SPATA16: variants seen among roughly 807,000 people sequenced by gnomAD.
SPATA16 encodes spermatogenesis associated 16, also known as spermatogenesis-associated protein 16.
SPATA16 carries 36 observed loss-of-function variants against 63.3 expected under a neutral mutation model. That is an observed-to-expected ratio of 0.57 (90% CI 0.44 to 0.75). The LOEUF is 0.75. Ranked by LOEUF, SPATA16 falls within the 30% of genes least tolerant of loss-of-function variation. The pLI is 0.00. For synonymous variants in SPATA16, 203 were observed against 216.7 expected (o/e 0.94, Z 0.56); for missense variants, 646 against 679.3 (o/e 0.95, Z 0.54).
chr3:173,138,671 A>G (rs1738618754), intron 1 of SPATA16, among the ~76,000 whole-genome samples: 1 of 152,172 alleles, frequency 6.6e-6, no homozygotes, highest in Admixed American at 6.5e-5. Flanking sequence ...TTTCCTTTCA[A>G]CTGGCCTACT....
At chr3:172,897,239 C>G (rs1393973149) in intron 10 of SPATA16, among the ~76,000 whole-genome samples, 2 of 152,024 alleles carry the variant, frequency 1.3e-5, no homozygotes, top group Non-Finnish European at 2.9e-5. Context: ...TGCTTTTACT[C>G]CTTTATAAAA....
At chr3:173,022,036 A>G (rs2108278015) in intron 3 of SPATA16, among the ~76,000 whole-genome samples, 1 of 152,150 alleles carries the variant, frequency 6.6e-6, no homozygotes, top group South Asian at 2.1e-4. Flanking sequence ...GGTAGTGAAG[A>G]AAGAGCTTAT....
intron 3 of SPATA16, among the ~76,000 whole-genome samples, chr3:173,043,483 C>G (rs1454562055): frequency 6.6e-6 from 1 of 151,734 alleles, no homozygotes; most frequent in East Asian, 1.9e-4. Flanking sequence ...CATGTGTAAT[C>G]TTATTATTAT....
intron 2 of SPATA16, among the ~76,000 whole-genome samples, chr3:173,078,635 G>T (rs1347937961): frequency 1.3e-5 from 2 of 152,124 alleles, no homozygotes; most frequent in African/African-American, 2.4e-5. Context: ...AAGGAGAAAT[G>T]ATATCAAGTT....
At chr3:173,046,629 G>A (rs528847431) in intron 3 of SPATA16, among the ~76,000 whole-genome samples, 1 of 152,126 alleles carries the variant, frequency 6.6e-6, no homozygotes, top group Non-Finnish European at 1.5e-5. Context: ...TTCATGATTA[G>A]TATCAACTTT....
chr3:173,070,186 G>A (rs1349094307), intron 2 of SPATA16, among the ~76,000 whole-genome samples: 1 of 152,020 alleles, frequency 6.6e-6, no homozygotes, highest in South Asian at 2.1e-4. Flanking sequence ...CTTGAGGCCA[G>A]AAGTTCAAGA....
chr3:172,924,778 A>C (rs1732690451), intron 7 of SPATA16, among the ~76,000 whole-genome samples: 1 of 152,202 alleles, frequency 6.6e-6, no homozygotes, highest in Non-Finnish European at 1.5e-5. Context: ...ATGTGGTTAG[A>C]GCTGCAGGAA....
intron 2 of SPATA16, among the ~76,000 whole-genome samples, chr3:173,083,863 C>A (rs1368923491): frequency 1.3e-5 from 2 of 152,138 alleles, no homozygotes; most frequent in East Asian, 3.9e-4. Context: ...TATATATGTA[C>A]CACATTTTCT....
chr3:172,929,369 C>T (rs1245293651), intron 6 of SPATA16, among the ~76,000 whole-genome samples: 2 of 152,112 alleles, frequency 1.3e-5, no homozygotes, highest in Non-Finnish European at 2.9e-5. Context: ...AATTTCTTTT[C>T]CCCTAGAGAA....
At chr3:173,041,976 T>G (rs1735850484) in intron 3 of SPATA16, among the ~76,000 whole-genome samples, 1 of 152,134 alleles carries the variant, frequency 6.6e-6, no homozygotes, top group African/African-American at 2.4e-5. Flanking sequence ...AAGAGGTTAT[T>G]GTATTTAAAA....
intron 2 of SPATA16, among the ~76,000 whole-genome samples, chr3:173,115,427 A>T (rs1737869411): frequency 6.6e-6 from 1 of 152,210 alleles, no homozygotes; most frequent in African/African-American, 2.4e-5. Context: ...TTCTTTGTAG[A>T]GTCTTTCATT....
chr3:172,953,249 A>T (rs1733488298), intron 6 of SPATA16, among the ~76,000 whole-genome samples: 1 of 152,154 alleles, frequency 6.6e-6, no homozygotes, highest in Non-Finnish European at 1.5e-5. Context: ...TGAATAAATG[A>T]ATAGATGAAC....
intron 1 of SPATA16, among the ~76,000 whole-genome samples, chr3:173,133,017 A>G (rs996042508): frequency 1.3e-5 from 2 of 152,230 alleles, no homozygotes; most frequent in African/African-American, 4.8e-5. Flanking sequence ...GAAGTTGAAA[A>G]TAAAACCATG....
At chr3:173,038,739 A>C (rs1301730011) in intron 3 of SPATA16, among the ~76,000 whole-genome samples, 1 of 152,162 alleles carries the variant, frequency 6.6e-6, no homozygotes, top group Admixed American at 6.6e-5. Flanking sequence ...GAAGTTTGTG[A>C]ATTCTAGACT....
At position 172,916,484 on chromosome 3, in the gene SPATA16, A is replaced by T. The variant is rs528702870; in HGVS notation, c.1339-3T>A. ...CCTGAGGATGCAGGAAAACTCCCCT[A>T]GTCTCAAAGTAAAAGAAATGTTTTA... On this transcript the variant is annotated splice_region_variant and splice_polypyrimidine_tract_variant and intron_variant, in intron 8 of 10. Coordinates refer to ENST00000351008, the MANE Select transcript of SPATA16 (RefSeq NM_031955.6). 4.3e-6 allele frequency: 7 copies of T among 1,613,602 alleles called. No individual in the cohort carries two copies. The Admixed American group carries it at 6.7e-5, about 15-fold the overall frequency.
At chr3:173,065,790 A>C (rs1314187786) in intron 2 of SPATA16, among the ~76,000 whole-genome samples, 1 of 152,208 alleles carries the variant, frequency 6.6e-6, no homozygotes, top group African/African-American at 2.4e-5. Flanking sequence ...CTGCTGGAGT[A>C]TTAGATCAGC....
intron 5 of SPATA16, among the ~76,000 whole-genome samples, chr3:172,960,920 T>C (rs112256009): frequency 0.017 from 2,379 of 138,584 alleles, 68 homozygotes; most frequent in African/African-American, 0.065. Flanking sequence ...CTCCCTCCCT[T>C]CCTTCCTTCC....
intron 2 of SPATA16, among the ~76,000 whole-genome samples, chr3:173,057,619 T>A (rs1736267772): frequency 1.3e-5 from 2 of 152,238 alleles, no homozygotes; most frequent in African/African-American, 4.8e-5. Context: ...AAAATTTAAA[T>A]ACTGCTAACT....
chr3:172,937,819 A>G (rs1733044712), intron 6 of SPATA16, among the ~76,000 whole-genome samples: 1 of 152,218 alleles, frequency 6.6e-6, no homozygotes, highest in Non-Finnish European at 1.5e-5. Context: ...GTAGGAAGGC[A>G]TGTTTGGGTG....
Sources: allele counts gnomAD v4.1 joint callset (sites outside exome capture counted in the v4.1 genomes callset), GRCh38; gene constraint gnomAD v4.1.1; transcripts MANE v1.5; gene names NCBI Gene and HGNC (gene_info 2026-07-23, HGNC 2026-07-21).